The following SNRPN variants were observed in gnomAD, a reference collection of about 807,000 sequenced individuals.
SNRPN encodes the protein small nuclear ribonucleoprotein polypeptide N.
A neutral mutation model predicts 25.2 loss-of-function variants in SNRPN; 7 were observed. That is an observed-to-expected ratio of 0.28 (90% CI 0.16 to 0.52). The LOEUF (loss-of-function observed/expected upper bound fraction) is 0.52, where lower values mean the gene tolerates loss of function less well. SNRPN is among the 20% of genes least tolerant of loss of function. SNRPN has a pLI of 0.96. For synonymous variants in SNRPN, 124 were observed against 110.6 expected (o/e 1.12, Z -0.76); for missense variants, 196 against 322.5 (o/e 0.61, Z 3.00).
chr15:24,933,115 C>T (rs957054735), intron 3 of SNRPN, among the ~76,000 whole-genome samples: 3 of 151,998 alleles, frequency 2.0e-5, no homozygotes, highest in African/African-American at 7.2e-5. Flanking sequence ...TAAAATTAGC[C>T]GGGCTTGGAG....
intron 1 of SNRPN, among the ~76,000 whole-genome samples, chr15:24,958,003 G>A (rs572143506): frequency 4.6e-5 from 7 of 152,248 alleles, no homozygotes; most frequent in Non-Finnish European, 8.8e-5. Flanking sequence ...GCAGAGGAAG[G>A]AAGCTTGGTT....
Position 24,956,355 on chromosome 15 carries a change from G to GGGGC in SNRPN, c.-391+1296_-391+1297insCGGG, listed in dbSNP as rs563996697. Among the ~76,000 whole-genome samples the GGGGC allele has an allele frequency of 2.4e-4, 16 of 66,084 alleles. 2 individuals are homozygous for GGGGC. Among genetic ancestry groups the GGGGC allele is most frequent in the Admixed American group, 1.1e-3 (6 of 5,468 alleles). The allele number at this position is 66,084 out of a possible 152,430, so 43.4% of individuals were successfully genotyped here. ...CTTAGATCTGCGCAAGCGCTTCAGCGGGGGGGTGGCCGCTTCCTCCCTGTA... is the reference window on the plus strand; with the variant it reads ...CTTAGATCTGCGCAAGCGCTTCAGCGGGGCGGGGGGTGGCCGCTTCCTCCCTGTA... On this transcript the variant is annotated intron_variant, in intron 1 of 9. Coordinates refer to ENST00000390687, the MANE Select transcript of SNRPN (RefSeq NM_003097.6).
At chr15:24,899,440 G>C (rs2058304711) in intron 2 of SNRPN, among the ~76,000 whole-genome samples, 2 of 152,180 alleles carry the variant, frequency 1.3e-5, no homozygotes, top group South Asian at 4.1e-4. Context: ...GTAATTGAAG[G>C]TGGTTGGACA....
At chr15:24,875,576 C>T (rs2055772788) in intron 1 of SNRPN, among the ~76,000 whole-genome samples, 1 of 152,044 alleles carries the variant, frequency 6.6e-6, no homozygotes, top group African/African-American at 2.4e-5. Flanking sequence ...TTTCCTAGAA[C>T]ATTGATAGAA....
intron 2 of SNRPN, among the ~76,000 whole-genome samples, chr15:24,890,152 C>T (rs112931117): frequency 3.9e-4 from 60 of 151,928 alleles, no homozygotes; most frequent in African/African-American, 1.3e-3. Context: ...GAAGGCCACT[C>T]TCTGATTTGC....
At chr15:24,941,905 C>A (rs2061579649) in intron 3 of SNRPN, among the ~76,000 whole-genome samples, 1 of 152,032 alleles carries the variant, frequency 6.6e-6, no homozygotes, top group Admixed American at 6.6e-5. Context: ...TCAGCCTCCC[C>A]AGTAGTTGGG....
chr15:24,834,751 C>CTCTATATATATATATATATATATGTA, intron 2 of SNRPN, among the ~76,000 whole-genome samples: 9 of 60,956 alleles, frequency 1.5e-4, no homozygotes, highest in African/African-American at 5.3e-4. Flanking sequence ...CTCTCTCTCT[C>CTCTATATATATATATATATATATGTA]TATATATATA....
rs965555883 is a variant in SNRPN at position 24,862,849 on chromosome 15, C to T, written c.-579+6133C>T. 1.4e-4 allele frequency among the ~76,000 whole-genome samples: 21 copies of T among 150,384 alleles called. 1 individual carries two copies. The highest frequency in any genetic ancestry group is 5.3e-4 in the African/African-American group (21 of 39,954). On this transcript the variant is annotated intron_variant, in intron 1 of 11. Transcript: ENST00000400097. The stretch of plus-strand genomic sequence containing the variant: ...GTAAAGGGAAGAGGAAACAGTGTGT[C>T]TGGCACAGTTCAGGGCATGAGATAA...
upstream of SNRPN, among the ~76,000 whole-genome samples, chr15:24,855,855 A>G (rs898301483): frequency 2.4e-4 from 36 of 151,990 alleles, 1 homozygote; most frequent in East Asian, 6.9e-3. Flanking sequence ...ATTAGATGTA[A>G]ATCCTGTGTT....
intron 2 of SNRPN, among the ~76,000 whole-genome samples, chr15:24,840,527 T>G (rs1318258398): frequency 6.6e-6 from 1 of 152,204 alleles, no homozygotes; most frequent in African/African-American, 2.4e-5. Context: ...CTAGCACATT[T>G]AAGGTTTAAA....
chr15:24,973,045 A>C (rs1394182288), intron 3 of SNRPN, among the ~76,000 whole-genome samples: 1 of 151,646 alleles, frequency 6.6e-6, no homozygotes, highest in East Asian at 2.0e-4. Flanking sequence ...CTGCCACCAC[A>C]CCCAGCTAAT....
intron 1 of SNRPN, among the ~76,000 whole-genome samples, chr15:24,877,714 C>G (rs932097142): frequency 6.6e-6 from 1 of 150,578 alleles, no homozygotes; most frequent in African/African-American, 2.5e-5. Flanking sequence ...TAGCCGGGCG[C>G]AGTGGCGCGC....
rs58691279 is a variant in SNRPN, at chr15:24,885,716, C to CTGTGTGTGTGTGTGTG, written c.-578-778_-578-763dup. On this transcript the variant is annotated intron_variant, in intron 1 of 11. Coordinates refer to the SNRPN transcript ENST00000400097. ...GGATTTTCCAGGAAGGAATCTGGGGCTGTGTGTGTGTGTGTGTGTGTGTGT... is the reference window on the plus strand; with the variant it reads ...GGATTTTCCAGGAAGGAATCTGGGGCTGTGTGTGTGTGTGTGTGTGTGTGTGTGTGTGTGTGTGTGT... Among the ~76,000 whole-genome samples, 40 of 141,734 alleles carry CTGTGTGTGTGTGTGTG rather than the reference C, an allele frequency of 2.8e-4. 1 individual carries two copies. In the East Asian group the frequency reaches 3.5e-3, roughly 12 times the overall value. The allele number at this position is 141,734 out of a possible 152,430, so 93.0% of individuals were successfully genotyped here. A position where few individuals can be genotyped will look rare whatever the true frequency, so the allele number is the denominator to read the frequency against.
chr15:24,949,843 T>C (rs2062129022), intron 3 of SNRPN, among the ~76,000 whole-genome samples: 1 of 152,004 alleles, frequency 6.6e-6, no homozygotes, highest in South Asian at 2.1e-4. Flanking sequence ...CTTTTTTTTT[T>C]TGGAGAACGG....
chr15:24,889,788 G>A (rs1009709344), intron 2 of SNRPN, among the ~76,000 whole-genome samples: 2 of 151,674 alleles, frequency 1.3e-5, no homozygotes, highest in African/African-American at 4.8e-5. Flanking sequence ...GGTGGCTCAC[G>A]CCTGTAATCT....
intron 3 of SNRPN, among the ~76,000 whole-genome samples, chr15:24,974,014 C>G (rs1305599964): frequency 2.0e-5 from 3 of 152,088 alleles, no homozygotes; most frequent in African/African-American, 7.2e-5. Flanking sequence ...GAGACACTAC[C>G]TTAAATAAGG....
intron 1 of SNRPN, among the ~76,000 whole-genome samples, chr15:24,827,206 A>G (rs1020981866): frequency 5.3e-5 from 8 of 152,020 alleles, no homozygotes; most frequent in African/African-American, 1.9e-4. Flanking sequence ...ATTGTACACT[A>G]CTGTAGATTT....
At chr15:24,847,845 G>A (rs905988807) in intron 2 of SNRPN, among the ~76,000 whole-genome samples, 1 of 152,106 alleles carries the variant, frequency 6.6e-6, no homozygotes, top group African/African-American at 2.4e-5. Flanking sequence ...ATCATACTTC[G>A]GATATAACTG....
chr15:24,896,718 A>C (rs950037285), intron 2 of SNRPN, among the ~76,000 whole-genome samples: 2 of 151,594 alleles, frequency 1.3e-5, no homozygotes, highest in African/African-American at 2.4e-5. Context: ...CGTCTAAAAA[A>C]AAAATGGCTC....
Sources: gnomAD v4.1 joint callset for allele counts (sites outside exome capture counted in the v4.1 genomes callset) on GRCh38, gnomAD v4.1.1 for gene constraint, MANE v1.5 for transcripts, NCBI Gene and HGNC (gene_info 2026-07-23, HGNC 2026-07-21) for gene names.